Variants in PCDHGA7 observed in about 807,000 individuals in gnomAD.
PCDHGA7 encodes protocadherin gamma subfamily A, 7.
PCDHGA7 carries 44 observed loss-of-function variants against 58.3 expected under a neutral mutation model. That is an observed-to-expected ratio of 0.75 (90% CI 0.59 to 0.97). The LOEUF (loss-of-function observed/expected upper bound fraction) is 0.97. Among genes scored for constraint, PCDHGA7 ranks in the 50% least tolerant of loss-of-function variants. The probability of loss-of-function intolerance (pLI) is 0.00; values close to 1 mark genes in which losing one functional copy is unlikely to be tolerated. For synonymous variants in PCDHGA7, 516 were observed against 504.2 expected, an observed-to-expected ratio of 1.02 and a Z score of -0.31; for missense variants, 1,266 against 1,188.7, an observed-to-expected ratio of 1.06 and a Z score of -0.96.
At position 141,486,243 on chromosome 5, in the gene PCDHGA7, G is replaced by A. The variant is rs754924567; in HGVS notation, c.2425-8564G>A. 18 of 1,614,156 alleles carry A rather than the reference G, an allele frequency of 1.1e-5. No individual in the cohort carries two copies. The highest frequency in any genetic ancestry group is 1.4e-5 in the Non-Finnish European group (16 of 1,180,018). ...TACATCACAGTGACCTCAGAGCTTG[G>A]AACCCTCCCCGAGAGTGCAGAACCT... On this transcript the variant is annotated intron_variant, in intron 1 of 3. Coordinates refer to ENST00000518325, the MANE Select transcript of PCDHGA7 (RefSeq NM_018920.4). This position sits in a 1 kb window ranked among gnomAD's most constrained non-coding sequence, Gnocchi z 5.0.
chr5:141,443,317 CA>C (rs35054295), intron 1 of PCDHGA7, among the ~76,000 whole-genome samples: 28 of 142,048 alleles, frequency 2.0e-4, no homozygotes, highest in Non-Finnish European at 2.6e-4. Flanking sequence ...CCCATCTCTA[CA>C]AAAAAAAAAA....
chr5:141,444,467 G>C (rs1288596542), intron 1 of PCDHGA7, among the ~76,000 whole-genome samples: 2 of 151,998 alleles, frequency 1.3e-5, no homozygotes, highest in Admixed American at 6.6e-5. Flanking sequence ...CACTGCGCCC[G>C]GTCGCGTACT....
rs1235728365 is a variant in PCDHGA7 at position 141,485,502 on chromosome 5, C to T, written c.2425-9305C>T. ...TGCATCGTGCCCCTGGAGTTTGTCACCGAAGGTCCTTTGGAAATGTACCGA... is the reference window on the plus strand; with the variant it reads ...TGCATCGTGCCCCTGGAGTTTGTCATCGAAGGTCCTTTGGAAATGTACCGA... On this transcript the variant is annotated intron_variant, in intron 1 of 3. Transcript: ENST00000518325. This position sits in a 1 kb window ranked among gnomAD's most constrained non-coding sequence, Gnocchi z 5.7. 2 of 1,614,114 alleles carry T rather than the reference C, an allele frequency of 1.2e-6. No homozygotes were observed. Among genetic ancestry groups the T allele is most frequent in the Non-Finnish European group, 8.5e-7 (1 of 1,180,044 alleles).
Position 141,383,550 on chromosome 5 carries a change from C to A in PCDHGA7, c.651C>A (p.Gly217=). Residue 217 remains glycine (G), a synonymous_variant, in exon 1 of 4, where the codon GGC becomes GGA. Coordinates refer to ENST00000518325, the MANE Select transcript of PCDHGA7 (RefSeq NM_018920.4). ...VHHLVLTASD[G]GDPPRSSTAH... is the part of the protein sequence containing the mutation. ...ACCTGGTCCTCACAGCCTCTGATGG[C>A]GGCGACCCGCCCCGATCCAGCACCG... 6.2e-7 allele frequency: 1 copy of A among 1,612,098 alleles called. No homozygotes were observed. Among genetic ancestry groups the A allele is most frequent in the Non-Finnish European group, 8.5e-7 (1 of 1,179,284 alleles).
At position 141,433,401 on chromosome 5, in the gene PCDHGA7, A is replaced by C. The variant is rs181247960; in HGVS notation, c.2424+48078A>C. ...TATCTATCTATCTATCTATCTATCT[A>C]TCTATTACTTTCTTGTACAGACAGG... On this transcript the variant is annotated intron_variant, in intron 1 of 3. Transcript: ENST00000518325. Among the ~76,000 whole-genome samples, 679 of 150,596 alleles carry C rather than the reference A, an allele frequency of 4.5e-3. 8 individuals carry two copies. The highest frequency in any genetic ancestry group is 0.015 in the African/African-American group (630 of 40,956).
chr5:141,383,980 C>G lies in PCDHGA7; in HGVS notation c.1081C>G (p.Pro361Ala), dbSNP rs145468093. The G allele has an allele frequency of 9.9e-5, 159 of 1,613,694 alleles. No homozygotes were observed. In the East Asian group the frequency reaches 3.5e-3, roughly 35 times the overall value. ...SLSSSIPEDTPLGTVIALFYL... is the reference protein window; with the variant it reads ...SLSSSIPEDTALGTVIALFYL... Reference sequence around the variant, plus strand: ...AAGTAGCTCAATCCCTGAAGACACACCTCTTGGGACAGTCATTGCTCTTTT... The same window carrying G: ...AAGTAGCTCAATCCCTGAAGACACAGCTCTTGGGACAGTCATTGCTCTTTT... The change falls in exon 1 of 4, where the codon CCT becomes GCT. Residue 361 changes from proline (P) to alanine (A), a missense_variant. By Grantham distance (27) the Pro-to-Ala change is conservative. Transcript: ENST00000518325.
At chr5:141,509,163 C>T (rs561329093) in intron 3 of PCDHGA7, among the ~76,000 whole-genome samples, 1 of 152,204 alleles carries the variant, frequency 6.6e-6, no homozygotes, top group East Asian at 1.9e-4. Context: ...CTCCCGTGTG[C>T]CCTCCTCCTC....
Position 141,382,987 on chromosome 5 carries a change from C to G in PCDHGA7, c.88C>G (p.Arg30Gly). The change falls in exon 1 of 4, where the codon CGT (arginine) becomes GGT (glycine). Residue 30 changes from arginine (R) to glycine (G), a missense_variant. Arg to Gly is a moderately radical substitution (Grantham distance 125). Transcript: ENST00000518325. Reference protein sequence around the residue: ...LGTPWEAWAGRILYSVSEETD... With the variant: ...LGTPWEAWAGGILYSVSEETD... ...GACCCCCTGGGAAGCCTGGGCAGGA[C>G]GTATTCTCTACTCCGTGTCGGAGGA... 6.2e-7 allele frequency: 1 copy of G among 1,613,278 alleles called. No individual in the cohort carries two copies. The highest frequency in any genetic ancestry group is 8.5e-7 in the Non-Finnish European group (1 of 1,179,504).
At chr5:141,419,623 G>A in intron 1 of PCDHGA7, 1 of 1,612,328 alleles carries the variant, frequency 6.2e-7, no homozygotes, top group East Asian at 2.2e-5. Context: ...GCTACCTGGT[G>A]ACCAAGGTGG....
At position 141,491,084 on chromosome 5, in the gene PCDHGA7, C is replaced by T; in HGVS notation, c.2425-3723C>T. On this transcript the variant is annotated intron_variant, in intron 1 of 3. Transcript: ENST00000518325. This position sits in a 1 kb window ranked among gnomAD's most constrained non-coding sequence, Gnocchi z 6.9. ...TACTCACTGTTGCCACAGTCCACAGCCCCAGGACTGTTCCTCGTGTCTACA... is the reference window on the plus strand; with the variant it reads ...TACTCACTGTTGCCACAGTCCACAGTCCCAGGACTGTTCCTCGTGTCTACA... The T allele has an allele frequency of 6.2e-7, 1 of 1,614,106 alleles. No homozygotes were observed. The highest frequency in any genetic ancestry group is 1.1e-5 in the South Asian group (1 of 91,082).
chr5:141,490,485 G>A lies in PCDHGA7; in HGVS notation c.2425-4322G>A. 3 of 1,614,202 alleles carry A rather than the reference G, an allele frequency of 1.9e-6. No individual in the cohort carries two copies. Among genetic ancestry groups the A allele is most frequent in the Middle Eastern group, 3.3e-4 (2 of 6,062 alleles). On this transcript the variant is annotated intron_variant, in intron 1 of 3. Coordinates refer to ENST00000518325, the MANE Select transcript of PCDHGA7 (RefSeq NM_018920.4). This position sits in a 1 kb window ranked among gnomAD's most constrained non-coding sequence, Gnocchi z 5.4. ...TAACCAGCCAGCCTTTGGACCGGGA[G>A]GCCACATCCCACTATATCATCGAGC... is the stretch of plus-strand genomic sequence containing the variant.
intron 1 of PCDHGA7, among the ~76,000 whole-genome samples, chr5:141,465,888 C>T (rs1031908926): frequency 5.3e-5 from 8 of 151,942 alleles, no homozygotes; most frequent in South Asian, 2.1e-4. Context: ...TTTGGGAGGC[C>T]GAGGCGGGCA....
At chr5:141,446,208 G>GAT (rs1387839424) in intron 1 of PCDHGA7, among the ~76,000 whole-genome samples, 1 of 152,156 alleles carries the variant, frequency 6.6e-6, no homozygotes, top group Non-Finnish European at 1.5e-5. Context: ...CTAGGTGTCT[G>GAT]AAAATATTGT....
In PCDHGA7 at chr5:141,398,540, T is replaced by C. The variant is rs372892054; in HGVS notation, c.2424+13217T>C. On this transcript the variant is annotated intron_variant, in intron 1 of 3. Transcript: ENST00000518325. The stretch of plus-strand genomic sequence containing the variant: ...ACGCCAAAATTCACGCAAAATTCCT[T>C]TGAGCTGCAAATAAGTGAGTCTGCA... 12 of 1,613,764 alleles carry C rather than the reference T, an allele frequency of 7.4e-6. No homozygotes were observed. The African/African-American group carries it at 1.2e-4, about 16-fold the overall frequency.
chr5:141,384,604 A>G lies in PCDHGA7; in HGVS notation c.1705A>G (p.Thr569Ala), dbSNP rs762562769. 5 of 1,613,896 alleles carry G rather than the reference A, an allele frequency of 3.1e-6. No homozygotes were observed. Among genetic ancestry groups the G allele is most frequent in the South Asian group, 2.2e-5 (2 of 91,080 alleles). ...PPEILYPALP[T>A]DGSTGMELAP... ...CGAGATCCTGTACCCGGCCCTCCCCACAGATGGTTCTACTGGCATGGAGCT... is the reference window on the plus strand; with the variant it reads ...CGAGATCCTGTACCCGGCCCTCCCCGCAGATGGTTCTACTGGCATGGAGCT... Residue 569 changes from threonine to alanine, a missense_variant, in exon 1 of 4, where the codon ACA (threonine) becomes GCA (alanine). Thr to Ala is a moderately conservative substitution (Grantham distance 58). Transcript: ENST00000518325.
intron 1 of PCDHGA7, among the ~76,000 whole-genome samples, chr5:141,452,529 G>A (rs758947494): frequency 1.3e-5 from 2 of 152,176 alleles, no homozygotes; most frequent in Non-Finnish European, 2.9e-5. Context: ...AAAATCGTGA[G>A]TTCATATTGA....
chr5:141,501,475 G>A (rs1305778190), intron 2 of PCDHGA7, among the ~76,000 whole-genome samples: 5 of 152,014 alleles, frequency 3.3e-5, no homozygotes, highest in Admixed American at 3.3e-4. Flanking sequence ...AATCCTGGAA[G>A]AGTCCCTCAT....
rs117064561 is a variant in PCDHGA7, at chr5:141,470,737, G to T, written c.2425-24070G>T. Among the ~76,000 whole-genome samples the T allele has an allele frequency of 1.9e-3, 295 of 152,132 alleles. 7 individuals carry two copies. In the East Asian group the frequency reaches 0.046, roughly 24 times the overall value. On this transcript the variant is annotated intron_variant, in intron 1 of 3. Coordinates refer to ENST00000518325, the MANE Select transcript of PCDHGA7 (RefSeq NM_018920.4). ...TTTTGAGTCAGGGTCTTGCTCTGTC[G>T]CCCTGGCTGGAGTGCAGTGGACTCA...
Position 141,432,029 on chromosome 5 carries a change from G to A in PCDHGA7, c.2424+46706G>A. 6.2e-7 allele frequency: 1 copy of A among 1,614,178 alleles called. No individual in the cohort carries two copies. Among genetic ancestry groups the A allele is most frequent in the South Asian group, 1.1e-5 (1 of 91,086 alleles). ...TCCTAGCTACAACATCACAGTGACC[G>A]CCACTGACCGGGGAACCCCGCCCCT... On this transcript the variant is annotated intron_variant, in intron 1 of 3. Coordinates refer to ENST00000518325, the MANE Select transcript of PCDHGA7 (RefSeq NM_018920.4). This position sits in a 1 kb window ranked among gnomAD's most constrained non-coding sequence, Gnocchi z 6.0.
Sources: allele counts gnomAD v4.1 joint callset (sites outside exome capture counted in the v4.1 genomes callset), GRCh38; gene constraint gnomAD v4.1.1; non-coding constraint Gnocchi (gnomAD v3.1); transcripts MANE v1.5; gene names NCBI Gene and HGNC (gene_info 2026-07-23, HGNC 2026-07-21).